Variants in DIP2B observed in about 807,000 individuals in gnomAD.
DIP2B encodes the protein DIP2 acetate--CoA ligase B (putative).
Under a neutral mutation model 198.0 loss-of-function variants are expected in DIP2B, and 76 were observed. The observed-to-expected ratio is 0.38, with a 90% CI of 0.32 to 0.46. The LOEUF is 0.46. Ranked by LOEUF, DIP2B falls within the 20% of genes least tolerant of loss-of-function variation. The pLI is 0.99. For missense variants in DIP2B, 1,559 were observed against 1,978.4 expected (o/e 0.79, Z 4.02); for synonymous variants, 701 against 739.1 (o/e 0.95, Z 0.84).
intron 2 of DIP2B, among the ~76,000 whole-genome samples, chr12:50,630,221 T>G (rs1938018877): frequency 6.6e-6 from 1 of 152,170 alleles, no homozygotes; most frequent in South Asian, 2.1e-4. Context: ...GTGCTGGGAT[T>G]ACAGGTGTGA....
At position 50,680,771 on chromosome 12, in the gene DIP2B, G is replaced by T; in HGVS notation, c.1206+8G>T. ...TTAAAACCTGGAGACAGGGTAATTG[G>T]TGTGATTTTGGTTTTAGGGAGGTGG... On this transcript the variant is annotated splice_region_variant and intron_variant, in intron 9 of 37. Transcript: ENST00000301180. 6.2e-7 allele frequency: 1 copy of T among 1,612,678 alleles called. No homozygotes were observed. The highest frequency in any genetic ancestry group is 8.5e-7 in the Non-Finnish European group (1 of 1,179,522).
intron 2 of DIP2B, among the ~76,000 whole-genome samples, chr12:50,635,314 T>G (rs1290676378): frequency 6.6e-6 from 1 of 152,218 alleles, no homozygotes; most frequent in Non-Finnish European, 1.5e-5. Context: ...CTTTCACATT[T>G]TCTTTCTTGA....
chr12:50,642,991 C>T (rs374380445), intron 3 of DIP2B, among the ~76,000 whole-genome samples: 455 of 152,044 alleles, frequency 3.0e-3, no homozygotes, highest in Non-Finnish European at 4.7e-3. Context: ...GGTTTTTAGC[C>T]GTCACAGCTT....
chr12:50,637,544 A>C (rs1477289559), intron 2 of DIP2B, among the ~76,000 whole-genome samples: 1 of 152,210 alleles, frequency 6.6e-6, no homozygotes, highest in East Asian at 1.9e-4. Flanking sequence ...ATACAAGTTA[A>C]ATCCTTATTA....
At chr12:50,713,976 C>T (rs1001229088) in intron 22 of DIP2B, among the ~76,000 whole-genome samples, 10 of 152,142 alleles carry the variant, frequency 6.6e-5, no homozygotes, top group African/African-American at 2.4e-4. Flanking sequence ...GTGGTGCATC[C>T]CTGTAGTCCC....
At chr12:50,654,687 C>G (rs1210118914) in intron 3 of DIP2B, among the ~76,000 whole-genome samples, 1 of 152,122 alleles carries the variant, frequency 6.6e-6, no homozygotes, top group African/African-American at 2.4e-5. Context: ...ACAGAGAAGG[C>G]TGATATAAAA....
chr12:50,661,809 T>G (rs1938653415), intron 4 of DIP2B, among the ~76,000 whole-genome samples: 2 of 152,336 alleles, frequency 1.3e-5, no homozygotes, highest in South Asian at 4.1e-4. Context: ...TGACATGTAG[T>G]TCTTGGAAAT....
At chr12:50,680,020 A>T (rs1939011263) in intron 8 of DIP2B, 2 of 152,150 alleles carry the variant, frequency 1.3e-5, no homozygotes, top group Admixed American at 6.6e-5. Flanking sequence ...ACACTTTGGG[A>T]GGCTGAGACA....
chr12:50,596,357 A>G (rs796173891), intron 1 of DIP2B, among the ~76,000 whole-genome samples: 8 of 152,328 alleles, frequency 5.3e-5, no homozygotes, highest in African/African-American at 1.7e-4. Flanking sequence ...ACAAAAGAAC[A>G]GGTATGGATG....
At chr12:50,525,747 A>G (rs908433146) in intron 1 of DIP2B, among the ~76,000 whole-genome samples, 1 of 152,076 alleles carries the variant, frequency 6.6e-6, no homozygotes, top group African/African-American at 2.4e-5. Flanking sequence ...TCCTGGGCTC[A>G]AGCCATCCTC....
chr12:50,738,919 T>C, intron 35 of DIP2B, among the ~76,000 whole-genome samples: 1 of 152,226 alleles, frequency 6.6e-6, no homozygotes, highest in East Asian at 1.9e-4. Context: ...CTTAGTAACA[T>C]TATTGTTAGC....
chr12:50,676,858 AT>A (rs928729684), intron 7 of DIP2B, among the ~76,000 whole-genome samples: 3 of 151,972 alleles, frequency 2.0e-5, no homozygotes, highest in Non-Finnish European at 4.4e-5. Context: ...ACCCATGTTT[AT>A]TTTTTTTAGT....
intron 1 of DIP2B, among the ~76,000 whole-genome samples, chr12:50,577,120 A>G (rs1485557152): frequency 3.3e-5 from 5 of 152,072 alleles, no homozygotes; most frequent in Non-Finnish European, 7.4e-5. Context: ...TTAAATTTTT[A>G]ACTTCTTGTT....
chr12:50,672,865 G>C (rs1344128589), intron 5 of DIP2B, among the ~76,000 whole-genome samples: 1 of 152,106 alleles, frequency 6.6e-6, no homozygotes, highest in Non-Finnish European at 1.5e-5. Flanking sequence ...TTAATAACCT[G>C]CTTTTCTTAG....
chr12:50,624,650 G>A (rs776881117), intron 1 of DIP2B, among the ~76,000 whole-genome samples: 15 of 152,198 alleles, frequency 9.9e-5, no homozygotes, highest in Admixed American at 2.0e-4. Flanking sequence ...CAAGCAGTCA[G>A]CAAATCCTAT....
chr12:50,596,365 A>T (rs917271399), intron 1 of DIP2B, among the ~76,000 whole-genome samples: 1 of 152,176 alleles, frequency 6.6e-6, no homozygotes, highest in Non-Finnish European at 1.5e-5. Flanking sequence ...ACAGGTATGG[A>T]TGGTTGGAGG....
At chr12:50,573,519 A>G (rs890922768) in intron 1 of DIP2B, among the ~76,000 whole-genome samples, 1 of 152,324 alleles carries the variant, frequency 6.6e-6, no homozygotes, top group South Asian at 2.1e-4. Context: ...AATGTGCAAT[A>G]GATGTTGGAA....
intron 1 of DIP2B, among the ~76,000 whole-genome samples, chr12:50,583,723 GA>G (rs1958745361): frequency 6.6e-6 from 1 of 152,102 alleles, no homozygotes; most frequent in Non-Finnish European, 1.5e-5. Context: ...ATAAATAAAA[GA>G]GCATCTGTGC....
intron 1 of DIP2B, among the ~76,000 whole-genome samples, chr12:50,554,776 T>C (rs1958455809): frequency 6.6e-6 from 1 of 150,902 alleles, no homozygotes; most frequent in African/African-American, 2.4e-5. Flanking sequence ...CCGCCCCTTT[T>C]TTTTTCTTTT....
Sources: gnomAD v4.1 joint callset for allele counts (sites outside exome capture counted in the v4.1 genomes callset) on GRCh38, gnomAD v4.1.1 for gene constraint, MANE v1.5 for transcripts, NCBI Gene and HGNC (gene_info 2026-07-23, HGNC 2026-07-21) for gene names.